Variants in IFT43 observed in about 807,000 individuals in gnomAD.
The protein encoded by IFT43 is intraflagellar transport protein 43 homolog.
A neutral mutation model predicts 32.3 loss-of-function variants in IFT43; 33 were observed. The ratio of observed to expected loss-of-function variants is 1.02; its 90% CI spans 0.77 to 1.37. IFT43 has a LOEUF of 1.37. Among genes scored for constraint, IFT43 ranks in the 40% most tolerant of loss-of-function variants. IFT43 has a pLI of 0.00. For synonymous variants in IFT43, 93 were observed against 98.2 expected, an observed-to-expected ratio of 0.95 and a Z score of 0.31; for missense variants, 274 against 265.9, an observed-to-expected ratio of 1.03 and a Z score of -0.21.
intron 4 of IFT43, 74 bp downstream of exon 4, chr14:76,058,748 G>C: frequency 6.2e-7 from 1 of 1,606,416 alleles, no homozygotes; most frequent in South Asian, 1.1e-5. Context: ...TGGTGGTCAT[G>C]ATCTGTTCCA....
chr14:76,062,024 CTG>C (rs2037143886), intron 5 of IFT43, among the ~76,000 whole-genome samples: 3 of 151,474 alleles, frequency 2.0e-5, no homozygotes, highest in African/African-American at 7.3e-5. Context: ...TTTTCTGAGT[CTG>C]TTTCTATAAC....
intron 3 of IFT43, among the ~76,000 whole-genome samples, chr14:76,029,800 T>C (rs1304344106): frequency 6.6e-6 from 1 of 152,052 alleles, no homozygotes; most frequent in African/African-American, 2.4e-5. Flanking sequence ...CTAGATATTC[T>C]GTTCTGTTCC....
At chr14:76,045,131 A>G (rs1239210897) in intron 3 of IFT43, among the ~76,000 whole-genome samples, 1 of 152,290 alleles carries the variant, frequency 6.6e-6, no homozygotes, top group East Asian at 1.9e-4. Flanking sequence ...ATTTCTTATT[A>G]TAAATCACAA....
At chr14:76,065,100 A>C (rs1017901978) in intron 5 of IFT43, among the ~76,000 whole-genome samples, 3 of 152,166 alleles carry the variant, frequency 2.0e-5, no homozygotes, top group African/African-American at 7.2e-5. Context: ...CTTCTCTAGG[A>C]CATCTCGTCC....
chr14:76,073,433 C>T (rs1167444812), intron 5 of IFT43, among the ~76,000 whole-genome samples: 1 of 152,286 alleles, frequency 6.6e-6, no homozygotes, highest in South Asian at 2.1e-4. Flanking sequence ...CTTGAGGCAG[C>T]AAAACCTACA....
At chr14:75,999,249 ATATATATATATATATATATATATG>A (rs1461033954) in intron 2 of IFT43, among the ~76,000 whole-genome samples, 23 of 13,784 alleles carry the variant, frequency 1.7e-3, no homozygotes, top group East Asian at 4.6e-3. Context: ...ATATATATAT[ATATATATATATATATATATATATG>A]TATATATATT....
chr14:76,015,131 T>A (rs956044957), intron 2 of IFT43, among the ~76,000 whole-genome samples: 35 of 152,058 alleles, frequency 2.3e-4, no homozygotes, highest in African/African-American at 8.0e-4. Flanking sequence ...GAAGAGCATA[T>A]AACTTGGTAA....
intron 5 of IFT43, among the ~76,000 whole-genome samples, chr14:76,072,253 G>C (rs762103258): frequency 6.6e-6 from 1 of 152,138 alleles, no homozygotes; most frequent in Non-Finnish European, 1.5e-5. Context: ...CCTATTTTAG[G>C]GCTGGAGGAG....
intron 3 of IFT43, among the ~76,000 whole-genome samples, chr14:76,042,698 A>T (rs181041777): frequency 2.2e-4 from 34 of 152,304 alleles, no homozygotes; most frequent in African/African-American, 7.9e-4. Flanking sequence ...ATTAAGTTCA[A>T]TTACGCATTG....
chr14:76,075,989 G>A (rs2037405685), intron 5 of IFT43, among the ~76,000 whole-genome samples: 1 of 152,330 alleles, frequency 6.6e-6, no homozygotes, highest in East Asian at 1.9e-4. Context: ...AGAATCAGGG[G>A]TTTGTCTGGA....
At chr14:76,005,392 A>C (rs1335541260) in intron 2 of IFT43, among the ~76,000 whole-genome samples, 2 of 152,304 alleles carry the variant, frequency 1.3e-5, no homozygotes, top group Non-Finnish European at 2.9e-5. Context: ...TTTCGGTGAA[A>C]GACCCAATGT....
chr14:76,032,285 G>A (rs1434087453), intron 3 of IFT43, among the ~76,000 whole-genome samples: 2 of 152,142 alleles, frequency 1.3e-5, no homozygotes, highest in African/African-American at 4.8e-5. Flanking sequence ...TCTTGCACTG[G>A]CTCAAGTGAG....
At chr14:75,999,272 TG>T (rs1566699690) in intron 2 of IFT43, among the ~76,000 whole-genome samples, 456 of 26,380 alleles carry the variant, frequency 0.017, 21 homozygotes, top group African/African-American at 0.025. Context: ...TATATATATA[TG>T]TATATATATT....
chr14:76,058,855 G>A (rs1472251476), intron 4 of IFT43, 181 bp downstream of exon 4: 1 of 1,519,340 alleles, frequency 6.6e-7, no homozygotes, highest in Non-Finnish European at 8.8e-7. Context: ...CTGAAGGTCT[G>A]GACCCTGGCA....
intron 5 of IFT43, 30 bp downstream of exon 5, chr14:76,059,403 T>G (rs780453113): frequency 6.2e-7 from 1 of 1,607,016 alleles, no homozygotes; most frequent in Non-Finnish European, 8.5e-7. Flanking sequence ...AGTCAAAAGG[T>G]CTTCTAGAGA....
intron 5 of IFT43, among the ~76,000 whole-genome samples, chr14:76,060,580 T>A (rs2037111643): frequency 6.6e-6 from 1 of 151,970 alleles, no homozygotes; most frequent in Admixed American, 6.6e-5. Context: ...ACTCCTTGTT[T>A]GTTTGTGTAG....
intron 5 of IFT43, among the ~76,000 whole-genome samples, chr14:76,079,947 G>T (rs7143217): frequency 0.33 from 50,738 of 151,636 alleles, 8,560 homozygotes; most frequent in African/African-American, 0.36. Context: ...GAGTGGGGAG[G>T]GGGGAAGGAG....
chr14:76,002,860 A>T (rs1040038605), intron 2 of IFT43, among the ~76,000 whole-genome samples: 1 of 152,258 alleles, frequency 6.6e-6, no homozygotes, highest in East Asian at 1.9e-4. Context: ...TACTTGAAAG[A>T]GCTGCGAGAG....
chr14:76,067,141 C>T (rs1343408099), intron 5 of IFT43, among the ~76,000 whole-genome samples: 4 of 152,162 alleles, frequency 2.6e-5, no homozygotes, highest in East Asian at 1.9e-4. Context: ...TTGCTTCATC[C>T]GTGGTACATG....
Sources: allele counts gnomAD v4.1 joint callset (sites outside exome capture counted in the v4.1 genomes callset), GRCh38; gene constraint gnomAD v4.1.1; transcripts MANE v1.5; gene names NCBI Gene and HGNC (gene_info 2026-07-23, HGNC 2026-07-21).